The following NEBL variants were observed in gnomAD, a reference collection of about 807,000 sequenced individuals.
NEBL encodes LIM and SH3 protein 2.
A neutral mutation model predicts 140.2 loss-of-function variants in NEBL; 122 were observed. The ratio of observed to expected loss-of-function variants is 0.87; its 90% CI spans 0.75 to 1.01. NEBL has a LOEUF of 1.01. Ranked by LOEUF, NEBL falls within the 50% of genes least tolerant of loss-of-function variation. The pLI, the probability that NEBL is intolerant of heterozygous loss-of-function variation, is 0.00. For synonymous variants in NEBL, 436 were observed against 398.9 expected (o/e 1.09, Z -1.11); for missense variants, 1,365 against 1,231.3 (o/e 1.11, Z -1.62).
chr10:21,168,247 G>C (rs1044319290), intron 2 of NEBL, among the ~76,000 whole-genome samples: 24 of 152,156 alleles, frequency 1.6e-4, no homozygotes, highest in Non-Finnish European at 4.4e-5. Context: ...ATTAAAATGA[G>C]AAATCTTTAT....
At chr10:21,030,277 T>G (rs1833725462) in intron 2 of NEBL, 1 of 628,928 alleles carries the variant, frequency 1.6e-6, no homozygotes, top group African/African-American at 1.9e-5. Flanking sequence ...GCTGGCGAAG[T>G]GAAGAAACTC....
upstream of NEBL, chr10:21,174,193 C>G: frequency 7.2e-6 from 2 of 278,228 alleles, no homozygotes; most frequent in South Asian, 2.5e-4. Context: ...GCAGGCCAAA[C>G]CCACCGGCGC....
At position 21,146,596 on chromosome 10, in the gene NEBL, C is replaced by T. The variant is rs1300007709; in HGVS notation, c.164+25787G>A. The T allele has an allele frequency of 4.1e-6, 4 of 964,760 alleles. No homozygotes were observed. In the African/African-American group the frequency reaches 6.5e-5, roughly 16 times the overall value. 59.8% of individuals were successfully genotyped at this position (964,760 alleles called of 1,614,324 possible). On this transcript the variant is annotated intron_variant, in intron 2 of 6. Coordinates refer to the NEBL transcript ENST00000417816. ...AACTTTCATCTTAATTACAGAAGCT[C>T]TTAGCAACCGTTGCTTAGTAACAAA...
In NEBL at chr10:21,146,325, C is replaced by T. The variant is rs748389276; in HGVS notation, c.164+26058G>A. The T allele has an allele frequency of 3.1e-6, 5 of 1,601,276 alleles. No homozygotes were observed. The South Asian group carries it at 3.4e-5, about 11-fold the overall frequency. ...CACACCCATGCAGTATAAACCTGCC[C>T]CCAACACATACTCTACCTGTTCATG... On this transcript the variant is annotated intron_variant, in intron 2 of 6. Transcript: ENST00000417816.
intron 5 of NEBL, among the ~76,000 whole-genome samples, chr10:20,870,940 A>G (rs1243036257): frequency 6.6e-6 from 1 of 152,222 alleles, no homozygotes; most frequent in African/African-American, 2.4e-5. Flanking sequence ...CCGATGGCCC[A>G]TGTTTCACTG....
rs576229566 is a variant in NEBL, at chr10:21,007,495, T to C, written c.249+12622A>G. Among the ~76,000 whole-genome samples, 7 of 152,376 alleles carry C rather than the reference T, an allele frequency of 4.6e-5. No homozygotes were observed. In the South Asian group the frequency reaches 1.4e-3, roughly 32 times the overall value. Reference sequence around the variant, plus strand: ...CAGAAAAGTGTCTTGTTCTTCATTCTTATAAGACTCTTGCTTTTTATGAAA... The same window carrying C: ...CAGAAAAGTGTCTTGTTCTTCATTCCTATAAGACTCTTGCTTTTTATGAAA... On this transcript the variant is annotated intron_variant, in intron 3 of 6. Transcript: ENST00000417816.
intron 2 of NEBL, among the ~76,000 whole-genome samples, chr10:21,136,334 T>C (rs1440272335): frequency 6.6e-6 from 1 of 152,180 alleles, no homozygotes; most frequent in Non-Finnish European, 1.5e-5. Context: ...TCCTACTTTT[T>C]TGTTGTTGTT....
At chr10:20,817,423 G>C (rs1289544974) in intron 21 of NEBL, among the ~76,000 whole-genome samples, 177 bp downstream of exon 21, 2 of 152,108 alleles carry the variant, frequency 1.3e-5, no homozygotes, top group Admixed American at 6.6e-5. Context: ...CTGAGGTGGG[G>C]AACACCTGAC....
chr10:21,278,115 C>T (rs1409356766), intron 1 of NEBL, among the ~76,000 whole-genome samples: 2 of 152,152 alleles, frequency 1.3e-5, no homozygotes, highest in Non-Finnish European at 2.9e-5. Context: ...GTTGACTGAA[C>T]CAGAATATGT....
At chr10:20,868,607 C>T (rs932924348) in intron 7 of NEBL, 57 bp downstream of exon 7, 5 of 1,133,236 alleles carry the variant, frequency 4.4e-6, no homozygotes, top group Admixed American at 1.7e-5. Flanking sequence ...TTCTCCTGTG[C>T]TGTTAGAAAC....
intron 2 of NEBL, among the ~76,000 whole-genome samples, chr10:21,046,686 C>T (rs1834529543): frequency 1.3e-5 from 2 of 152,072 alleles, no homozygotes; most frequent in Admixed American, 6.5e-5. Flanking sequence ...CTGCAAGCTC[C>T]GCCTACCGGG....
chr10:21,067,664 T>C (rs1373774546), intron 2 of NEBL, among the ~76,000 whole-genome samples: 1 of 152,116 alleles, frequency 6.6e-6, no homozygotes, highest in African/African-American at 2.4e-5. Flanking sequence ...CAGCTTAATC[T>C]GAGAGAGAAC....
chr10:21,161,300 G>A (rs944555140), intron 2 of NEBL, among the ~76,000 whole-genome samples: 1 of 152,040 alleles, frequency 6.6e-6, no homozygotes, highest in African/African-American at 2.4e-5. Flanking sequence ...CCACAGTGCT[G>A]GGATTACAGT....
Position 20,784,317 on chromosome 10 carries a change from G to C in NEBL, c.*1430C>G, listed in dbSNP as rs1271669033. The C allele has an allele frequency of 6.6e-6, 1 of 151,414 alleles. No individual in the cohort carries two copies. Among genetic ancestry groups the C allele is most frequent in the Non-Finnish European group, 1.5e-5 (1 of 67,978 alleles). The allele number at this position is 151,414 out of a possible 1,614,324, so 9.4% of individuals were successfully genotyped here. A position where few individuals can be genotyped will look rare whatever the true frequency, so the allele number is the denominator to read the frequency against. On this transcript the variant is annotated 3_prime_UTR_variant, in exon 28 of 28. Coordinates refer to ENST00000377122, the MANE Select transcript of NEBL (RefSeq NM_006393.3). ...CGCTGGCTTGGTGACCTGGACTGCA[G>C]ACTCTGGATGAAATTTCAAGACCCA...
chr10:21,005,166 C>A (rs926972271), intron 3 of NEBL, among the ~76,000 whole-genome samples: 3 of 152,182 alleles, frequency 2.0e-5, no homozygotes, highest in South Asian at 2.1e-4. Flanking sequence ...CTGACTTGTG[C>A]AGACACACAC....
chr10:20,819,131 T>C lies in NEBL; in HGVS notation c.2055+293A>G, dbSNP rs1417633861. The stretch of plus-strand genomic sequence containing the variant: ...TTGTTACACAGGTGAACTTGTGTTA[T>C]GGGAGTTTGTTGTACAGATGACTTC... On this transcript the variant is annotated intron_variant, in intron 20 of 27. Coordinates refer to ENST00000377122, the MANE Select transcript of NEBL (RefSeq NM_006393.3). The C allele has an allele frequency of 9.8e-6, 9 of 922,352 alleles. No individual in the cohort carries two copies. In the South Asian group the frequency reaches 1.3e-4, roughly 13 times the overall value. The allele number at this position is 922,352 out of a possible 1,614,324, so 57.1% of individuals were successfully genotyped here. A position where few individuals can be genotyped will look rare whatever the true frequency, so the allele number is the denominator to read the frequency against.
chr10:21,247,367 G>A (rs1181852688), intron 3 of NEBL, among the ~76,000 whole-genome samples: 1 of 152,152 alleles, frequency 6.6e-6, no homozygotes, highest in Non-Finnish European at 1.5e-5. Context: ...ATTATTTACT[G>A]TATGATTATT....
chr10:20,826,837 T>A (rs1208807547), intron 17 of NEBL, among the ~76,000 whole-genome samples: 1 of 152,178 alleles, frequency 6.6e-6, no homozygotes, highest in Non-Finnish European at 1.5e-5. Flanking sequence ...GTTCCTTTCT[T>A]CAAATATAAA....
intron 3 of NEBL, among the ~76,000 whole-genome samples, chr10:21,229,767 G>A (rs1423519873): frequency 1.3e-5 from 2 of 152,198 alleles, no homozygotes; most frequent in Admixed American, 1.3e-4. Flanking sequence ...ACACCAGCTG[G>A]TAACCTTGAC....
Sources: allele counts gnomAD v4.1 joint callset (sites outside exome capture counted in the v4.1 genomes callset), GRCh38; gene constraint gnomAD v4.1.1; transcripts MANE v1.5; gene names NCBI Gene and HGNC (gene_info 2026-07-23, HGNC 2026-07-21).